The following STAM variants were observed in gnomAD, a reference collection of about 807,000 sequenced individuals.
STAM encodes signal transducing adapter molecule 1.
A neutral mutation model predicts 63.4 loss-of-function variants in STAM; 16 were observed. The ratio of observed to expected loss-of-function variants is 0.25; its 90% CI spans 0.17 to 0.38. STAM has a LOEUF of 0.38. Ranked by LOEUF, STAM falls within the 10% of genes least tolerant of loss-of-function variation. STAM has a pLI of 1.00. For missense variants in STAM, 636 were observed against 657.1 expected, an observed-to-expected ratio of 0.97 and a Z score of 0.35; for synonymous variants, 238 against 223.9, an observed-to-expected ratio of 1.06 and a Z score of -0.56.
In STAM at chr10:17,708,940, C is replaced by T. The variant is rs782705530; in HGVS notation, c.1374C>T (p.Ala458=). The part of the protein sequence containing the change: ...NPALPSQQTQ[A]AYPNTMVSSV... ...CCCTTCCTAGTCAGCAGACTCAGGCCGCTTACCCAAAGTAATTTTACTGTT... is the reference window on the plus strand; with the variant it reads ...CCCTTCCTAGTCAGCAGACTCAGGCTGCTTACCCAAAGTAATTTTACTGTT... The change falls in exon 13 of 14, where the codon GCC becomes GCT. Residue 458 remains alanine, a synonymous_variant. Transcript: ENST00000377524. The T allele has an allele frequency of 5.7e-5, 92 of 1,613,444 alleles. No individual in the cohort carries two copies. Among genetic ancestry groups the T allele is most frequent in the Admixed American group, 3.0e-4 (18 of 59,910 alleles).
At chr10:17,669,952 G>C (rs1435027431) in intron 2 of STAM, among the ~76,000 whole-genome samples, 2 of 143,186 alleles carry the variant, frequency 1.4e-5, no homozygotes, top group Non-Finnish European at 1.5e-5. Context: ...GGATGGTCTC[G>C]ATCTCCTGAC....
intron 1 of STAM, among the ~76,000 whole-genome samples, chr10:17,647,886 A>G (rs1285621146): frequency 5.9e-5 from 9 of 152,154 alleles, no homozygotes; most frequent in African/African-American, 1.7e-4. Context: ...CTCGACCTAG[A>G]TATCCATCTC....
chr10:17,701,026 C>T (rs1478007258), intron 9 of STAM, among the ~76,000 whole-genome samples: 1 of 152,170 alleles, frequency 6.6e-6, no homozygotes, highest in Non-Finnish European at 1.5e-5. Flanking sequence ...GTCATTGTCA[C>T]ACCTGAAACA....
chr10:17,667,636 T>C (rs2131596156), intron 2 of STAM, among the ~76,000 whole-genome samples: 1 of 152,272 alleles, frequency 6.6e-6, no homozygotes, highest in Non-Finnish European at 1.5e-5. Context: ...ATTCTAATGG[T>C]GGAAGATGTG....
At chr10:17,656,098 T>C (rs1407390035) in intron 1 of STAM, among the ~76,000 whole-genome samples, 1 of 151,808 alleles carries the variant, frequency 6.6e-6, no homozygotes, top group Non-Finnish European at 1.5e-5. Flanking sequence ...ATTGAGACCA[T>C]CCTGGCTAAC....
chr10:17,668,928 G>C (rs1285392979), intron 2 of STAM, among the ~76,000 whole-genome samples: 14 of 152,166 alleles, frequency 9.2e-5, no homozygotes, highest in Non-Finnish European at 2.1e-4. Context: ...ACATGAATTT[G>C]CAGCCTTTTG....
intron 2 of STAM, among the ~76,000 whole-genome samples, chr10:17,667,845 G>A (rs61842293): frequency 0.021 from 3,221 of 152,350 alleles, 32 homozygotes; most frequent in Middle Eastern, 0.031. Flanking sequence ...ATGCTACAAG[G>A]TAGAGAAAAC....
At chr10:17,668,586 A>G (rs1834496660) in intron 2 of STAM, among the ~76,000 whole-genome samples, 1 of 152,128 alleles carries the variant, frequency 6.6e-6, no homozygotes, top group Non-Finnish European at 1.5e-5. Context: ...TAGTTTTATC[A>G]CCTTAAAATG....
At chr10:17,657,361 T>C (rs1456608895) in intron 1 of STAM, among the ~76,000 whole-genome samples, 1 of 152,214 alleles carries the variant, frequency 6.6e-6, no homozygotes, top group Admixed American at 6.5e-5. Flanking sequence ...GTACCTGTCT[T>C]ACTACCTGTA....
At chr10:17,673,123 A>G (rs1834708089) in intron 2 of STAM, 1 of 751,522 alleles carries the variant, frequency 1.3e-6, no homozygotes, top group Non-Finnish European at 1.6e-6. Flanking sequence ...GTGCACGTGC[A>G]GATTTTCTCT....
At chr10:17,668,733 T>C (rs1379801697) in intron 2 of STAM, among the ~76,000 whole-genome samples, 1 of 152,242 alleles carries the variant, frequency 6.6e-6, no homozygotes, top group Non-Finnish European at 1.5e-5. Flanking sequence ...CTTTTCAGAC[T>C]GGCATCTTTC....
At chr10:17,661,562 A>G (rs1554822882) in intron 2 of STAM, among the ~76,000 whole-genome samples, 3 of 152,184 alleles carry the variant, frequency 2.0e-5, no homozygotes, top group African/African-American at 7.2e-5. Flanking sequence ...ATATCGTTCT[A>G]TATAAGCCTT....
At chr10:17,673,039 C>T (rs1031231460) in intron 2 of STAM, 1 of 985,200 alleles carries the variant, frequency 1.0e-6, no homozygotes, top group Non-Finnish European at 1.2e-6. Context: ...TTTTAAGAAG[C>T]TTTTTGAGAG....
rs527539104 is a variant in STAM at position 17,644,557 on chromosome 10, A to G, written c.40+178A>G. On this transcript the variant is annotated intron_variant, in intron 1 of 13. Transcript: ENST00000377524. ...TTGAGGGCTTGGCGCATCCTCTTTG[A>G]AAGAAATGGGACTCATCCTGTGAAA... Among the ~76,000 whole-genome samples the G allele has an allele frequency of 7.4e-4, 113 of 152,202 alleles. 2 individuals carry two copies. Among genetic ancestry groups the G allele is most frequent in the African/African-American group, 2.7e-3 (111 of 41,516 alleles).
intron 4 of STAM, among the ~76,000 whole-genome samples, chr10:17,687,703 TTA>T (rs1181581938): frequency 6.6e-5 from 10 of 152,342 alleles, no homozygotes; most frequent in African/African-American, 2.2e-4. Flanking sequence ...TCCCACTTTT[TTA>T]TTGCTTTGCA....
chr10:17,710,162 C>T (rs1836493464), intron 13 of STAM, among the ~76,000 whole-genome samples: 1 of 151,972 alleles, frequency 6.6e-6, no homozygotes. Context: ...CCACTTTTCC[C>T]CTGCTAGTCC....
At chr10:17,667,353 A>G (rs12781430) in intron 2 of STAM, among the ~76,000 whole-genome samples, 2 of 151,926 alleles carry the variant, frequency 1.3e-5, no homozygotes, top group African/African-American at 2.4e-5. Flanking sequence ...TGAACCCCTC[A>G]CCTTGTGATC....
chr10:17,688,276 C>A (rs1554826357), intron 5 of STAM, 103 bp downstream of exon 5: 2 of 1,204,442 alleles, frequency 1.7e-6, no homozygotes, highest in African/African-American at 1.6e-5. Context: ...TTTACTACTT[C>A]AGAGGAATTT....
At chr10:17,705,049 G>A (rs1554829044) in intron 11 of STAM, 25 bp downstream of exon 11, 2 of 1,602,152 alleles carry the variant, frequency 1.2e-6, no homozygotes, top group African/African-American at 2.7e-5. Context: ...GTGCATTTAT[G>A]TTGTGTACCT....
Sources: allele counts gnomAD v4.1 joint callset (sites outside exome capture counted in the v4.1 genomes callset), GRCh38; gene constraint gnomAD v4.1.1; transcripts MANE v1.5; gene names NCBI Gene and HGNC (gene_info 2026-07-23, HGNC 2026-07-21).